COLEC11: variants seen among roughly 807,000 people sequenced by gnomAD.
COLEC11 encodes collectin subfamily member 11.
COLEC11 carries 20 observed loss-of-function variants against 27.3 expected under a neutral mutation model. The ratio of observed to expected loss-of-function variants is 0.73; its 90% CI spans 0.51 to 1.06. COLEC11 has a LOEUF of 1.06. Among genes scored for constraint, COLEC11 ranks in the 50% least tolerant of loss-of-function variants. The pLI is 0.00. For synonymous variants in COLEC11, 163 were observed against 154.7 expected (o/e 1.05, Z -0.40); for missense variants, 310 against 383.0 (o/e 0.81, Z 1.59).
At chr2:3,622,818 A>G (rs546854183) in intron 3 of COLEC11, among the ~76,000 whole-genome samples, 2 of 152,350 alleles carry the variant, frequency 1.3e-5, no homozygotes, top group African/African-American at 4.8e-5. Context: ...TTCTTTATAA[A>G]TTACCCAGTC....
chr2:3,635,382 C>T (rs765816851), intron 3 of COLEC11, among the ~76,000 whole-genome samples: 65 of 152,284 alleles, frequency 4.3e-4, no homozygotes, highest in Non-Finnish European at 7.5e-4. Flanking sequence ...TCTCCTTTTG[C>T]GCCTTTCAGT....
At chr2:3,612,196 G>A (rs1442299977) in intron 2 of COLEC11, among the ~76,000 whole-genome samples, 1 of 151,820 alleles carries the variant, frequency 6.6e-6, no homozygotes, top group Non-Finnish European at 1.5e-5. Context: ...ACATACACGT[G>A]CACACCTATG....
intron 3 of COLEC11, among the ~76,000 whole-genome samples, chr2:3,629,423 C>T (rs901784647): frequency 6.6e-6 from 1 of 152,160 alleles, no homozygotes; most frequent in Admixed American, 6.5e-5. Context: ...TCAGTTTAAG[C>T]CTAGGTGCTG....
intron 3 of COLEC11, among the ~76,000 whole-genome samples, chr2:3,631,327 G>T (rs935144311): frequency 1.3e-5 from 2 of 152,274 alleles, no homozygotes; most frequent in Non-Finnish European, 2.9e-5. Context: ...CGAAGGTCAT[G>T]GCAACAGGTT....
intron 3 of COLEC11, among the ~76,000 whole-genome samples, chr2:3,624,089 C>A (rs1664362472): frequency 6.6e-6 from 1 of 152,124 alleles, no homozygotes; most frequent in African/African-American, 2.4e-5. Flanking sequence ...GAGTATATGC[C>A]TTTTCTTGAT....
intron 3 of COLEC11, among the ~76,000 whole-genome samples, chr2:3,636,511 T>A (rs1665427686): frequency 6.6e-6 from 1 of 152,242 alleles, no homozygotes; most frequent in Non-Finnish European, 1.5e-5. Context: ...CACATTGAAT[T>A]TCCCGCATTG....
At chr2:3,637,705 T>C in intron 4 of COLEC11, 101 bp downstream of exon 4, 2 of 961,592 alleles carry the variant, frequency 2.1e-6, no homozygotes, top group Non-Finnish European at 3.4e-6. Flanking sequence ...CGTCTGGTGC[T>C]CTTATTTATA....
At chr2:3,627,305 T>G (rs1664624738) in intron 3 of COLEC11, among the ~76,000 whole-genome samples, 10 of 93,978 alleles carry the variant, frequency 1.1e-4, no homozygotes, top group South Asian at 4.1e-4. Flanking sequence ...GGCACGATGA[T>G]GGGGGGCATG....
chr2:3,614,786 A>G (rs562762959), intron 3 of COLEC11, among the ~76,000 whole-genome samples: 5 of 152,378 alleles, frequency 3.3e-5, no homozygotes, highest in African/African-American at 1.2e-4. Context: ...AGTAAACGAA[A>G]AAAAGTTTCA....
chr2:3,603,186 T>G (rs1428509215), intron 1 of COLEC11, among the ~76,000 whole-genome samples: 1 of 152,238 alleles, frequency 6.6e-6, no homozygotes, highest in Non-Finnish European at 1.5e-5. Flanking sequence ...GCTCCAGGGC[T>G]GCTGTCCGCA....
chr2:3,603,795 G>C (rs1028890455), intron 1 of COLEC11: 6 of 848,866 alleles, frequency 7.1e-6, no homozygotes, highest in Non-Finnish European at 9.5e-6. Context: ...ATCTCACCGA[G>C]GAAGGCCAGG....
chr2:3,631,103 C>T (rs759790352), intron 3 of COLEC11, among the ~76,000 whole-genome samples: 12 of 151,984 alleles, frequency 7.9e-5, no homozygotes, highest in South Asian at 2.1e-4. Context: ...TGGTGGTGCA[C>T]GCCTGTAATC....
intron 1 of COLEC11, among the ~76,000 whole-genome samples, chr2:3,601,018 T>G (rs888143778): frequency 2.0e-5 from 3 of 152,210 alleles, no homozygotes; most frequent in African/African-American, 7.2e-5. Flanking sequence ...ACTTTCCTCT[T>G]GGCCTTTCCA....
At position 3,603,159 on chromosome 2, in the gene COLEC11, G is replaced by A. The variant is rs578194199; in HGVS notation, c.-26-1156G>A. The stretch of plus-strand genomic sequence containing the variant: ...CGGAGCCCCAGTCCCAGCTCGCCAC[G>A]GCTCTTTATCAGCTGTGCTCCAGGG... On this transcript the variant is annotated intron_variant, in intron 1 of 6. Transcript: ENST00000349077. 1.8e-4 allele frequency among the ~76,000 whole-genome samples: 27 copies of A among 152,214 alleles called. No individual in the cohort carries two copies. In the South Asian group the frequency reaches 1.9e-3, roughly 11 times the overall value.
At position 3,644,572 on chromosome 2, in the gene COLEC11, C is replaced by G. The variant is rs1356465027; in HGVS notation, c.*454C>G. Reference sequence around the variant, plus strand: ...AATATAGGTTCCTTCACACTATTATCCATGTAAAAACAATTTTGCTTTGCT... The same window carrying G: ...AATATAGGTTCCTTCACACTATTATGCATGTAAAAACAATTTTGCTTTGCT... On this transcript the variant is annotated 3_prime_UTR_variant, in exon 7 of 7. Coordinates refer to ENST00000349077, the MANE Select transcript of COLEC11 (RefSeq NM_024027.5). 2.5e-6 allele frequency: 1 copy of G among 393,196 alleles called. No individual in the cohort carries two copies. Among genetic ancestry groups the G allele is most frequent in the African/African-American group, 2.1e-5 (1 of 47,476 alleles). 24.4% of individuals were successfully genotyped at this position (393,196 alleles called of 1,614,324 possible).
At position 3,604,349 on chromosome 2, in the gene COLEC11, G is replaced by T. The variant is rs1446283337; in HGVS notation, c.9G>T (p.Gly3=). 1.2e-6 allele frequency: 2 copies of T among 1,614,114 alleles called. No individual in the cohort carries two copies. Among genetic ancestry groups the T allele is most frequent in the Non-Finnish European group, 1.7e-6 (2 of 1,180,060 alleles). Residue 3 remains glycine (G), a synonymous_variant, in exon 2 of 7, where the codon GGG becomes GGT. Coordinates refer to ENST00000349077, the MANE Select transcript of COLEC11 (RefSeq NM_024027.5). MR[G]NLALVGVLIS... ...TCCTGCCTGCGCTCAGGATGAGGGG[G>T]AATCTGGCCCTGGTGGGCGTTCTAA...
At chr2:3,639,215 C>T (rs1665668098) in intron 4 of COLEC11, among the ~76,000 whole-genome samples, 1 of 152,238 alleles carries the variant, frequency 6.6e-6, no homozygotes, top group Non-Finnish European at 1.5e-5. Context: ...TCGATGGACA[C>T]ATGGGTTCTT....
chr2:3,626,810 C>CTGGGA (rs1211683683), intron 3 of COLEC11, among the ~76,000 whole-genome samples: 4 of 152,218 alleles, frequency 2.6e-5, no homozygotes, highest in Non-Finnish European at 5.9e-5. Context: ...TATACACAAC[C>CTGGGA]TGGGATGAAT....
chr2:3,640,108 A>G (rs931992403), intron 4 of COLEC11, among the ~76,000 whole-genome samples, 170 bp from the exon 5 acceptor site: 3 of 152,240 alleles, frequency 2.0e-5, no homozygotes, highest in Non-Finnish European at 4.4e-5. Context: ...TATCACATAA[A>G]TAGTGCCGGA....
Sources: gnomAD v4.1 joint callset for allele counts (sites outside exome capture counted in the v4.1 genomes callset) on GRCh38, gnomAD v4.1.1 for gene constraint, MANE v1.5 for transcripts, NCBI Gene and HGNC (gene_info 2026-07-23, HGNC 2026-07-21) for gene names.